The following ANOS1 variants were observed in gnomAD, a reference collection of about 807,000 sequenced individuals.
ANOS1 encodes anosmin 1.
In ANOS1, 6 loss-of-function variants were observed where a neutral mutation model predicts 59.0. The ratio of observed to expected loss-of-function variants is 0.10; its 90% CI spans 0.06 to 0.20. The LOEUF (loss-of-function observed/expected upper bound fraction) is 0.20. Ranked by LOEUF, ANOS1 falls within the 10% of genes least tolerant of loss-of-function variation. The pLI is 1.00. For missense variants in ANOS1, 433 were observed against 542.3 expected (o/e 0.80, Z 2.00); for synonymous variants, 217 against 223.4 (o/e 0.97, Z 0.25).
At chrX:8,651,088 G>C (rs955744194) in intron 2 of ANOS1, among the ~76,000 whole-genome samples, 3 of 112,759 alleles carry the variant, frequency 2.7e-5, no homozygotes, top group African/African-American at 9.7e-5. Flanking sequence ...TGGCATGTGT[G>C]GGTACACAGC....
intron 3 of ANOS1, among the ~76,000 whole-genome samples, chrX:8,607,342 A>G (rs1930960316): frequency 8.9e-6 from 1 of 112,288 alleles, no homozygotes; most frequent in Non-Finnish European, 1.9e-5. Flanking sequence ...CAGGCAAATT[A>G]TAGACATTGG....
intron 4 of ANOS1, among the ~76,000 whole-genome samples, chrX:8,596,204 T>G (rs754770944): frequency 9.9e-4 from 110 of 110,889 alleles, no homozygotes; most frequent in Non-Finnish European, 1.6e-3. Context: ...CCCAAAACCA[T>G]CCCCTGCCCC....
intron 2 of ANOS1, among the ~76,000 whole-genome samples, chrX:8,646,885 A>AT (rs2146861104): frequency 9.9e-6 from 1 of 101,248 alleles, no homozygotes; most frequent in African/African-American, 3.7e-5. Context: ...GTGAGTCGAC[A>AT]TTGCACCACT....
intron 9 of ANOS1, among the ~76,000 whole-genome samples, chrX:8,549,769 C>T (rs1245792053): frequency 2.7e-5 from 3 of 112,272 alleles, no homozygotes; most frequent in Non-Finnish European, 5.6e-5. Context: ...ATAATGTTTC[C>T]TCTAGTTCAT....
At chrX:8,710,396 T>C (rs1472186603) in intron 1 of ANOS1, among the ~76,000 whole-genome samples, 1 of 111,374 alleles carries the variant, frequency 9.0e-6, no homozygotes, top group East Asian at 2.8e-4. Context: ...AAGTGTAAGA[T>C]CTATTTGAAT....
intron 2 of ANOS1, among the ~76,000 whole-genome samples, chrX:8,646,416 T>C (rs1221349838): frequency 9.0e-6 from 1 of 111,306 alleles, no homozygotes; most frequent in Non-Finnish European, 1.9e-5. Context: ...CTAGTGATTT[T>C]GGAAACCATA....
At position 8,539,730 on chromosome X, in the gene ANOS1, C is replaced by T. The variant is rs1317847304; in HGVS notation, c.1383G>A (p.Arg461=). ...TGTGGGCACACGCTTCAGGAAACCA[C>T]CGCACATGATATCGGTTGACAGTGG... ...EDPTVNRYHV[R]WFPEACAHNR... is the part of the protein sequence containing the mutation. The change falls in exon 10 of 14, where the codon CGG becomes CGA. Residue 461 remains arginine, a synonymous_variant. Transcript: ENST00000262648. 3 of 1,211,296 alleles carry T rather than the reference C, an allele frequency of 2.5e-6. No homozygotes were observed. The Admixed American group carries it at 6.5e-5, about 26-fold the overall frequency.
At chrX:8,673,767 G>C (rs1162333401) in intron 2 of ANOS1, among the ~76,000 whole-genome samples, 5 of 111,685 alleles carry the variant, frequency 4.5e-5, no homozygotes, top group Non-Finnish European at 9.4e-5. Flanking sequence ...CATTAGAACA[G>C]AGACAATGCT....
chrX:8,597,844 A>G (rs1930771648), intron 3 of ANOS1, among the ~76,000 whole-genome samples: 1 of 107,679 alleles, frequency 9.3e-6, no homozygotes, highest in Non-Finnish European at 1.9e-5. Flanking sequence ...GCTAATTTTT[A>G]TTTTTTGTAG....
intron 2 of ANOS1, among the ~76,000 whole-genome samples, chrX:8,667,285 TG>T (rs1251689134): frequency 3.7e-5 from 4 of 109,368 alleles, no homozygotes; most frequent in Admixed American, 2.9e-4. Context: ...ATAAAGCTTT[TG>T]TTTGTTTGTT....
At chrX:8,572,867 C>G (rs1930255798) in intron 6 of ANOS1, among the ~76,000 whole-genome samples, 2 of 110,605 alleles carry the variant, frequency 1.8e-5, no homozygotes, top group African/African-American at 3.3e-5. Flanking sequence ...CCTATGAGGT[C>G]TGAACATCAC....
At chrX:8,676,999 G>A (rs113903644) in intron 2 of ANOS1, among the ~76,000 whole-genome samples, 3,041 of 111,335 alleles carry the variant, frequency 0.027, 41 homozygotes, top group Middle Eastern at 0.051. Context: ...TTTCCCTCTC[G>A]CCTGAGACCA....
intron 3 of ANOS1, among the ~76,000 whole-genome samples, chrX:8,604,990 C>T (rs1930912952): frequency 8.9e-6 from 1 of 112,268 alleles, no homozygotes; most frequent in Non-Finnish European, 1.9e-5. Context: ...ATAAACAATT[C>T]TGTAATGAAA....
At chrX:8,672,798 G>A (rs1448806497) in intron 2 of ANOS1, among the ~76,000 whole-genome samples, 1 of 111,565 alleles carries the variant, frequency 9.0e-6, no homozygotes, top group Non-Finnish European at 1.9e-5. Context: ...GATCTAACAG[G>A]GCAGGAGACC....
chrX:8,603,375 T>C (rs1287527320), intron 3 of ANOS1, among the ~76,000 whole-genome samples: 1 of 112,085 alleles, frequency 8.9e-6, no homozygotes, highest in Non-Finnish European at 1.9e-5. Flanking sequence ...CCCTTCTACA[T>C]GTCATCTCCT....
intron 2 of ANOS1, among the ~76,000 whole-genome samples, chrX:8,632,838 A>G (rs1195485760): frequency 9.0e-6 from 1 of 110,824 alleles, no homozygotes; most frequent in Non-Finnish European, 1.9e-5. Flanking sequence ...TAACAATGCT[A>G]TCTACAAAAG....
intron 3 of ANOS1, among the ~76,000 whole-genome samples, chrX:8,603,967 C>T (rs1930892297): frequency 8.9e-6 from 1 of 111,745 alleles, no homozygotes; most frequent in South Asian, 3.8e-4. Context: ...GGCAGTTGGT[C>T]ACCAAGAGAT....
At chrX:8,572,220 A>C (rs1044066062) in intron 6 of ANOS1, among the ~76,000 whole-genome samples, 1 of 109,871 alleles carries the variant, frequency 9.1e-6, no homozygotes, top group Admixed American at 9.7e-5. Context: ...TTGCTGCACA[A>C]ATCAACCCAT....
chrX:8,677,191 T>C (rs1932350029), intron 2 of ANOS1, among the ~76,000 whole-genome samples: 1 of 111,463 alleles, frequency 9.0e-6, no homozygotes, highest in South Asian at 3.8e-4. Context: ...GTGGCTGTTC[T>C]GTGCATGGTA....
Sources: allele counts gnomAD v4.1 joint callset (sites outside exome capture counted in the v4.1 genomes callset), GRCh38; gene constraint gnomAD v4.1.1; transcripts MANE v1.5; gene names NCBI Gene and HGNC (gene_info 2026-07-23, HGNC 2026-07-21).